TRIM36: variants seen among roughly 807,000 people sequenced by gnomAD.
TRIM36 encodes the protein E3 ubiquitin-protein ligase TRIM36.
TRIM36 carries 42 observed loss-of-function variants against 72.4 expected under a neutral mutation model. The ratio of observed to expected loss-of-function variants is 0.58; its 90% CI spans 0.45 to 0.75. TRIM36 has a LOEUF of 0.75. Among genes scored for constraint, TRIM36 ranks in the 30% least tolerant of loss-of-function variants. The probability of loss-of-function intolerance (pLI) is 0.00; values close to 1 mark genes in which losing one functional copy is unlikely to be tolerated. For missense variants in TRIM36, 913 were observed against 857.1 expected (o/e 1.07, Z -0.81); for synonymous variants, 315 against 282.8 (o/e 1.11, Z -1.14).
At chr5:115,172,723 G>A (rs376222645), upstream of TRIM36, among the ~76,000 whole-genome samples, 37 of 150,994 alleles carry the variant, frequency 2.5e-4, no homozygotes, top group African/African-American at 8.3e-4. Context: ...GCGACAGAGC[G>A]AGACTCTGTC....
rs1752324804 is a variant in TRIM36, at chr5:115,125,427, CTTATA to C, written c.*1071_*1075del. ...GTAATTAAATTTGTATTTTTACTTG[CTTATA>C]TTAGAAATGCTTATTACCAATGAGA... is the stretch of plus-strand genomic sequence containing the variant. On this transcript the variant is annotated 3_prime_UTR_variant, in exon 10 of 10. Transcript: ENST00000513154. 1 of 151,982 alleles carries C rather than the reference CTTATA, an allele frequency of 6.6e-6. No homozygotes were observed. Among genetic ancestry groups the C allele is most frequent in the African/African-American group, 2.4e-5 (1 of 41,404 alleles). The allele number at this position is 151,982 out of a possible 1,614,324, so 9.4% of individuals were successfully genotyped here. A position where few individuals can be genotyped will look rare whatever the true frequency, so the allele number is the denominator to read the frequency against.
rs138994997 is a variant in TRIM36 at position 115,134,567 on chromosome 5, G to C, written c.1211-420C>G. Among the ~76,000 whole-genome samples the C allele has an allele frequency of 3.3e-5, 5 of 151,438 alleles. No homozygotes were observed. The East Asian group carries it at 9.7e-4, about 29-fold the overall frequency. On this transcript the variant is annotated intron_variant, in intron 7 of 9. Coordinates refer to ENST00000513154, the MANE Select transcript of TRIM36 (RefSeq NM_001300759.2). ...ATGAATTTTTTTTTTTTAAGATGGA[G>C]TGTTGCTCTGTTGCCAAGGCTGGAG...
intron 2 of TRIM36, among the ~76,000 whole-genome samples, chr5:115,151,278 C>T (rs1320731734): frequency 6.6e-6 from 1 of 152,158 alleles, no homozygotes; most frequent in Non-Finnish European, 1.5e-5. Flanking sequence ...TCGCTGACAA[C>T]CTGCATGACA....
intron 1 of TRIM36, among the ~76,000 whole-genome samples, chr5:115,168,365 C>T (rs1312554527): frequency 6.6e-6 from 1 of 152,210 alleles, no homozygotes; most frequent in East Asian, 1.9e-4. Context: ...GTATCCCAGA[C>T]TTCATATCTA....
At chr5:115,130,991 A>G in intron 8 of TRIM36, 102 bp from the exon 9 acceptor site, 1 of 1,332,424 alleles carries the variant, frequency 7.5e-7, no homozygotes, top group Non-Finnish European at 1.0e-6. Flanking sequence ...AGAGACAGGA[A>G]GCGGGAAGGA....
Position 115,163,381 on chromosome 5 carries a change from T to C in TRIM36, c.262+137A>G, listed in dbSNP as rs890650972. ...TTTAACAGTGGGGGAGGCCCCTTTA[T>C]AACTACAGTTTTAATTTATTCACCT... On this transcript the variant is annotated intron_variant, in intron 2 of 9. Coordinates refer to ENST00000513154, the MANE Select transcript of TRIM36 (RefSeq NM_001300759.2). The C allele has an allele frequency of 1.4e-5, 10 of 702,606 alleles. No homozygotes were observed. In the South Asian group the frequency reaches 1.9e-4, roughly 14 times the overall value. 43.5% of individuals were successfully genotyped at this position (702,606 alleles called of 1,614,324 possible). A position where few individuals can be genotyped will look rare whatever the true frequency, so the allele number is the denominator to read the frequency against.
chr5:115,136,879 GA>G (rs1752990246), intron 7 of TRIM36, 120 bp downstream of exon 7: 3 of 908,284 alleles, frequency 3.3e-6, no homozygotes, highest in African/African-American at 1.7e-5. Context: ...AGGATGCTGT[GA>G]TAGTCCTGGG....
intron 9 of TRIM36, among the ~76,000 whole-genome samples, chr5:115,127,658 C>T (rs191961115): frequency 6.6e-6 from 1 of 152,202 alleles, no homozygotes; most frequent in African/African-American, 2.4e-5. Context: ...TGTGGTGATA[C>T]TGGTGTAAAC....
intron 2 of TRIM36, chr5:115,149,154 C>A (rs1317626051): frequency 6.6e-6 from 1 of 152,008 alleles, no homozygotes; most frequent in Admixed American, 6.6e-5. Context: ...TTTGAAAATC[C>A]TAAAATATAT....
intron 9 of TRIM36, among the ~76,000 whole-genome samples, chr5:115,128,995 T>G (rs1322069825): frequency 6.6e-6 from 1 of 151,974 alleles, no homozygotes; most frequent in African/African-American, 2.4e-5. Flanking sequence ...AGTATACAAT[T>G]TTTTATCTTT....
At chr5:115,149,526 A>G (rs1753769867) in intron 2 of TRIM36, 1 of 145,262 alleles carries the variant, frequency 6.9e-6, no homozygotes, top group Non-Finnish European at 1.5e-5. Flanking sequence ...TCAAGCTTTA[A>G]CATGTATGCT....
At chr5:115,159,619 A>G (rs1304828600) in intron 2 of TRIM36, 1 of 453,428 alleles carries the variant, frequency 2.2e-6, no homozygotes, top group Non-Finnish European at 4.4e-6. Flanking sequence ...TGCGGCCACA[A>G]AAGCAATAAA....
intron 2 of TRIM36, among the ~76,000 whole-genome samples, chr5:115,153,122 T>C (rs1347456093): frequency 1.3e-5 from 2 of 152,088 alleles, no homozygotes; most frequent in East Asian, 1.9e-4. Context: ...ACCAACCAAC[T>C]ATCTGCTGCC....
chr5:115,138,593 T>C (rs752564002), intron 5 of TRIM36, among the ~76,000 whole-genome samples: 14 of 152,192 alleles, frequency 9.2e-5, no homozygotes, highest in Admixed American at 2.0e-4. Context: ...ATTTAGGTTT[T>C]TGTGAAGAGA....
intron 1 of TRIM36, chr5:115,179,918 C>T: frequency 5.3e-6 from 8 of 1,510,424 alleles, no homozygotes; most frequent in Non-Finnish European, 6.3e-6. Flanking sequence ...CAGTGGCGGG[C>T]CAGGTAGTGC....
intron 1 of TRIM36, among the ~76,000 whole-genome samples, chr5:115,164,599 G>C (rs1754662722): frequency 6.6e-6 from 1 of 152,128 alleles, no homozygotes; most frequent in Non-Finnish European, 1.5e-5. Context: ...AACAGCATGG[G>C]GAAAATCTAC....
intron 5 of TRIM36, among the ~76,000 whole-genome samples, chr5:115,138,158 G>A (rs1753065417): frequency 6.6e-6 from 1 of 152,176 alleles, no homozygotes; most frequent in African/African-American, 2.4e-5. Flanking sequence ...GGAGTGCAGT[G>A]GTGCGATCTT....
intron 9 of TRIM36, among the ~76,000 whole-genome samples, chr5:115,129,062 G>A (rs1231941974): frequency 1.3e-5 from 2 of 151,876 alleles, no homozygotes; most frequent in Non-Finnish European, 2.9e-5. Flanking sequence ...ACTTACTGTT[G>A]CATTAAAATT....
At chr5:115,169,951 G>A (rs993437499), upstream of TRIM36, 88 of 1,224,884 alleles carry the variant, frequency 7.2e-5, no homozygotes, top group Non-Finnish European at 8.9e-5. Context: ...GGGGCACCGC[G>A]GGGCGTGGAC....
Sources: allele counts gnomAD v4.1 joint callset (sites outside exome capture counted in the v4.1 genomes callset), GRCh38; gene constraint gnomAD v4.1.1; transcripts MANE v1.5; gene names NCBI Gene and HGNC (gene_info 2026-07-23, HGNC 2026-07-21).